Variants in COL28A1 observed in about 807,000 individuals in gnomAD.
The protein encoded by COL28A1 is collagen alpha-1(XXVIII) chain.
A neutral mutation model predicts 150.2 loss-of-function variants in COL28A1; 161 were observed. The ratio of observed to expected loss-of-function variants is 1.07; its 90% CI spans 0.94 to 1.22. COL28A1 has a LOEUF of 1.22. COL28A1 is among the 50% of genes most tolerant of loss of function. The pLI is 0.00. For synonymous variants in COL28A1, 552 were observed against 469.7 expected (o/e 1.18, Z -2.26); for missense variants, 1,617 against 1,388.3 (o/e 1.16, Z -2.62).
chr7:7,487,769 T>C (rs1216950317), intron 13 of COL28A1, among the ~76,000 whole-genome samples: 3 of 152,160 alleles, frequency 2.0e-5, no homozygotes, highest in Non-Finnish European at 4.4e-5. Context: ...TCCACTCGAA[T>C]CTGAGCTGGT....
At chr7:7,521,341 C>T (rs1781713715) in intron 5 of COL28A1, among the ~76,000 whole-genome samples, 2 of 152,198 alleles carry the variant, frequency 1.3e-5, no homozygotes, top group Admixed American at 1.3e-4. Flanking sequence ...CCTGGATTAT[C>T]TTATCAAACA....
intron 9 of COL28A1, 26 bp from the exon 10 acceptor site, chr7:7,507,187 C>G: frequency 1.0e-6 from 1 of 996,924 alleles, no homozygotes; most frequent in Admixed American, 1.7e-5. Flanking sequence ...GAAAATAAGT[C>G]TCTCTAAATA....
chr7:7,443,503 ACAAT>A, intron 20 of COL28A1, 78 bp downstream of exon 20: 1 of 1,578,570 alleles, frequency 6.3e-7, no homozygotes, highest in South Asian at 1.2e-5. Flanking sequence ...AGTAAGAATA[ACAAT>A]CAAATTTCTT....
intron 11 of COL28A1, 101 bp from the exon 12 acceptor site, chr7:7,490,747 G>A: frequency 3.4e-6 from 2 of 593,142 alleles, no homozygotes; most frequent in East Asian, 5.9e-5. Flanking sequence ...GGCTTTCAGA[G>A]CAACAACAAA....
chr7:7,522,806 CAAAAAAAAAA>C (rs200294353), intron 4 of COL28A1, among the ~76,000 whole-genome samples: 35 of 93,158 alleles, frequency 3.8e-4, no homozygotes, highest in Admixed American at 7.4e-4. Context: ...AGCTGAAGAG[CAAAAAAAAAA>C]AAAAAAAAAA....
chr7:7,450,822 C>A (rs1363304942), intron 18 of COL28A1, among the ~76,000 whole-genome samples: 1 of 152,124 alleles, frequency 6.6e-6, no homozygotes, highest in Non-Finnish European at 1.5e-5. Flanking sequence ...GAGATATTTT[C>A]ATACAGTGGA....
chr7:7,489,993 T>G (rs1779829320), intron 12 of COL28A1, among the ~76,000 whole-genome samples: 1 of 152,234 alleles, frequency 6.6e-6, no homozygotes, highest in Non-Finnish European at 1.5e-5. Flanking sequence ...CAAAGTACAC[T>G]GTTTTGTACT....
At chr7:7,408,794 A>T (rs953993208) in intron 27 of COL28A1, among the ~76,000 whole-genome samples, 1 of 152,192 alleles carries the variant, frequency 6.6e-6, no homozygotes, top group Non-Finnish European at 1.5e-5. Context: ...TTATCAGGAA[A>T]AAAAGACCTC....
At chr7:7,487,793 T>G (rs992849639) in intron 13 of COL28A1, among the ~76,000 whole-genome samples, 2 of 152,204 alleles carry the variant, frequency 1.3e-5, no homozygotes, top group Non-Finnish European at 2.9e-5. Context: ...ATACTTACTT[T>G]AGATGTCACA....
intron 25 of COL28A1, among the ~76,000 whole-genome samples, chr7:7,430,637 T>C (rs1299533006): frequency 1.3e-5 from 2 of 152,240 alleles, no homozygotes; most frequent in Non-Finnish European, 2.9e-5. Context: ...TTTTATTTCA[T>C]GTTTTATTTT....
chr7:7,521,132 C>T (rs1379712704), intron 5 of COL28A1, among the ~76,000 whole-genome samples: 3 of 152,122 alleles, frequency 2.0e-5, no homozygotes, highest in African/African-American at 7.2e-5. Flanking sequence ...CTCCATAGGG[C>T]TTCTTCTGAA....
intron 23 of COL28A1, among the ~76,000 whole-genome samples, chr7:7,433,415 C>T (rs1186628414): frequency 6.6e-6 from 1 of 152,082 alleles, no homozygotes; most frequent in Non-Finnish European, 1.5e-5. Flanking sequence ...GTGGGTGGAT[C>T]ACCAGGTCAG....
At chr7:7,366,180 G>A (rs1780923255) in intron 33 of COL28A1, among the ~76,000 whole-genome samples, 1 of 152,106 alleles carries the variant, frequency 6.6e-6, no homozygotes, top group African/African-American at 2.4e-5. Context: ...AGAAAACTGA[G>A]ACCTCAGGAA....
Position 7,358,649 on chromosome 7 carries a change from G to C in COL28A1, c.3362C>G (p.Thr1121Ser). ...RFNSEKECQETCIQG is the reference protein window; with the variant it reads ...RFNSEKECQESCIQG ...TTTACTTGCTCATCCTTGAATGCAG[G>C]TTTCTTGACATTCCTTTTCACTGTT... Residue 1121 changes from threonine (T) to serine (S), a missense_variant, in exon 35 of 35, where the codon ACC (threonine) becomes AGC (serine). Thr to Ser is a moderately conservative substitution (Grantham distance 58, BLOSUM62 1). Coordinates refer to ENST00000399429, the MANE Select transcript of COL28A1 (RefSeq NM_001037763.3). 1.2e-6 allele frequency: 2 copies of C among 1,613,796 alleles called. No individual in the cohort carries two copies. Among genetic ancestry groups the C allele is most frequent in the Non-Finnish European group, 1.7e-6 (2 of 1,179,866 alleles).
chr7:7,399,507 T>C (rs1262743160), intron 27 of COL28A1, among the ~76,000 whole-genome samples: 1 of 152,142 alleles, frequency 6.6e-6, no homozygotes, highest in Non-Finnish European at 1.5e-5. Flanking sequence ...GTAATGGATG[T>C]GGAGGTTGGC....
At position 7,404,907 on chromosome 7, in the gene COL28A1, A is replaced by G. The variant is rs1056118241; in HGVS notation, c.2136+12952T>C. On this transcript the variant is annotated intron_variant, in intron 27 of 34. Transcript: ENST00000399429. ...TATTTTATTTTAATTTTTTTGACAC[A>G]GAGTCTCACTCTGTTGCCCAGGCAT... is the stretch of plus-strand genomic sequence containing the variant. Among the ~76,000 whole-genome samples, 15 of 152,034 alleles carry G rather than the reference A, an allele frequency of 9.9e-5. 1 individual carries two copies. Among genetic ancestry groups the G allele is most frequent in the Non-Finnish European group, 2.9e-5 (2 of 68,026 alleles).
intron 13 of COL28A1, among the ~76,000 whole-genome samples, 191 bp from the exon 14 acceptor site, chr7:7,477,371 T>G (rs1224792186): frequency 6.6e-6 from 1 of 152,236 alleles, no homozygotes; most frequent in African/African-American, 2.4e-5. Flanking sequence ...TACTATAGCA[T>G]AATAACTATT....
At chr7:7,393,182 T>G (rs1034746719) in intron 27 of COL28A1, among the ~76,000 whole-genome samples, 1 of 152,208 alleles carries the variant, frequency 6.6e-6, no homozygotes, top group Admixed American at 6.5e-5. Flanking sequence ...GCTATTACTT[T>G]CTGTTTGTTA....
the COL28A1 span, among the ~76,000 whole-genome samples, chr7:7,343,665 T>C: frequency 3.9e-4 from 60 of 152,242 alleles, no homozygotes; most frequent in Non-Finnish European, 7.8e-4. Context: ...TTGCCTTGTA[T>C]ATTTTTCTCA....
Sources: gnomAD v4.1 joint callset for allele counts (sites outside exome capture counted in the v4.1 genomes callset) on GRCh38, gnomAD v4.1.1 for gene constraint, MANE v1.5 for transcripts, NCBI Gene and HGNC (gene_info 2026-07-23, HGNC 2026-07-21) for gene names.